ITCH: variants seen among roughly 807,000 people sequenced by gnomAD.
ITCH encodes the protein itchy E3 ubiquitin protein ligase.
In ITCH, 28 loss-of-function variants were observed where a neutral mutation model predicts 126.8. That is an observed-to-expected ratio of 0.22 (90% CI 0.16 to 0.30). The LOEUF (loss-of-function observed/expected upper bound fraction) is 0.30, where lower values mean the gene tolerates loss of function less well. ITCH is among the 10% of genes least tolerant of loss of function. ITCH has a pLI of 1.00. For missense variants in ITCH, 631 were observed against 1,032.4 expected (o/e 0.61, Z 5.33); for synonymous variants, 342 against 340.0 (o/e 1.01, Z -0.06).
chr20:34,502,665 G>A (rs1250462842), intron 23 of ITCH, among the ~76,000 whole-genome samples: 2 of 151,498 alleles, frequency 1.3e-5, no homozygotes, highest in Non-Finnish European at 2.9e-5. Flanking sequence ...AGCCAAGATT[G>A]CTCCACTGCA....
intron 20 of ITCH, among the ~76,000 whole-genome samples, chr20:34,485,753 G>C (rs1417827999): frequency 6.6e-6 from 1 of 152,146 alleles, no homozygotes; most frequent in Non-Finnish European, 1.5e-5. Context: ...CACGATCAGA[G>C]CTCACTGCAG....
intron 4 of ITCH, among the ~76,000 whole-genome samples, chr20:34,411,815 A>C (rs973307762): frequency 6.6e-6 from 1 of 152,172 alleles, no homozygotes; most frequent in Non-Finnish European, 1.5e-5. Flanking sequence ...GTGTATTGCA[A>C]ATTCAAATTT....
chr20:34,438,409 T>C (rs1224903833), intron 7 of ITCH, 65 bp from the exon 8 acceptor site: 1 of 1,556,526 alleles, frequency 6.4e-7, no homozygotes, highest in Non-Finnish European at 8.9e-7. Context: ...GCTGTTTTTT[T>C]TCTTAAATTC....
chr20:34,366,134 A>G (rs1003868294), intron 1 of ITCH, among the ~76,000 whole-genome samples: 1 of 152,150 alleles, frequency 6.6e-6, no homozygotes, highest in Admixed American at 6.6e-5. Context: ...TGCTGTGTGT[A>G]AATTCAGAGG....
intron 24 of ITCH, among the ~76,000 whole-genome samples, chr20:34,505,859 A>G (rs1461772837): frequency 6.6e-6 from 1 of 152,130 alleles, no homozygotes; most frequent in African/African-American, 2.4e-5. Context: ...CAGCCAAAAT[A>G]TACAACCTTT....
rs1368220236 is a variant in ITCH, at chr20:34,511,286, A to G, written c.*3492A>G. On this transcript the variant is annotated 3_prime_UTR_variant, in exon 25 of 25. Transcript: ENST00000374864. ...TTTTAATACTCAGGTAATGCTACAA[A>G]TATTACAGGGAGTCAAATGCTTTTA... 1 of 152,200 alleles carries G rather than the reference A, an allele frequency of 6.6e-6. No homozygotes were observed. The allele number at this position is 152,200 out of a possible 1,614,324, so 9.4% of individuals were successfully genotyped here. A position where few individuals can be genotyped will look rare whatever the true frequency, so the allele number is the denominator to read the frequency against.
intron 3 of ITCH, among the ~76,000 whole-genome samples, chr20:34,398,646 G>A (rs1194223823): frequency 2.6e-5 from 4 of 152,070 alleles, no homozygotes; most frequent in African/African-American, 7.2e-5. Flanking sequence ...TGATCCACCC[G>A]CCTCTGCCTC....
chr20:34,472,011 G>A (rs1024826865), intron 16 of ITCH, among the ~76,000 whole-genome samples: 1 of 152,128 alleles, frequency 6.6e-6, no homozygotes, highest in Non-Finnish European at 1.5e-5. Flanking sequence ...ATTGGTGACA[G>A]TATCTAAAAA....
chr20:34,487,972 A>C (rs770620000), intron 20 of ITCH, among the ~76,000 whole-genome samples: 4 of 152,164 alleles, frequency 2.6e-5, no homozygotes, highest in African/African-American at 4.8e-5. Context: ...TAATAATATA[A>C]TTCCATTTAC....
chr20:34,437,379 C>T (rs1225902867), intron 7 of ITCH, among the ~76,000 whole-genome samples: 1 of 152,154 alleles, frequency 6.6e-6, no homozygotes, highest in Non-Finnish European at 1.5e-5. Flanking sequence ...AAGCTCAGCT[C>T]ACTGCAACCT....
In ITCH at chr20:34,386,085, C is replaced by T. The variant is rs74883759; in HGVS notation, c.-21-7706C>T. On this transcript the variant is annotated intron_variant, in intron 2 of 24. Transcript: ENST00000374864. ...CCTTCAGTAGCCCATGCACCAAAGT[C>T]GGCTCCTTTGTTTTTTTTTTTGTTT... Among the ~76,000 whole-genome samples the T allele has an allele frequency of 2.5e-3, 382 of 150,810 alleles. 3 individuals carry two copies. Among genetic ancestry groups the T allele is most frequent in the African/African-American group, 9.1e-3 (369 of 40,516 alleles).
At chr20:34,463,151 T>C (rs1178716572) in intron 14 of ITCH, among the ~76,000 whole-genome samples, 1 of 152,196 alleles carries the variant, frequency 6.6e-6, no homozygotes, top group Non-Finnish European at 1.5e-5. Context: ...TCACCTGATA[T>C]CAGGAGTTGG....
chr20:34,399,985 C>T (rs1330924868), intron 3 of ITCH, among the ~76,000 whole-genome samples: 1 of 151,932 alleles, frequency 6.6e-6, no homozygotes, highest in Non-Finnish European at 1.5e-5. Context: ...TGTTGCCAGG[C>T]TGGAGTGTGG....
chr20:34,481,347 C>T, intron 20 of ITCH, 141 bp downstream of exon 20: 1 of 953,712 alleles, frequency 1.0e-6, no homozygotes, highest in East Asian at 2.6e-5. Flanking sequence ...AGTCATTTTT[C>T]ATTTCTAAAA....
chr20:34,447,588 C>T (rs1007848290), intron 11 of ITCH, among the ~76,000 whole-genome samples: 6 of 152,108 alleles, frequency 3.9e-5, no homozygotes, highest in African/African-American at 1.4e-4. Context: ...GTGCATGTCC[C>T]TAGTTTATCC....
At chr20:34,402,652 A>G in intron 3 of ITCH, 1 of 569,022 alleles carries the variant, frequency 1.8e-6, no homozygotes. Context: ...GTGTTGTTTT[A>G]CCAACAGCAC....
At chr20:34,486,905 C>T (rs1179136106) in intron 20 of ITCH, among the ~76,000 whole-genome samples, 4 of 151,824 alleles carry the variant, frequency 2.6e-5, no homozygotes, top group Non-Finnish European at 5.9e-5. Flanking sequence ...TGGTCTTGAA[C>T]TCCTGTGCTC....
At chr20:34,470,756 C>A (rs947801708) in intron 15 of ITCH, among the ~76,000 whole-genome samples, 1 of 152,060 alleles carries the variant, frequency 6.6e-6, no homozygotes, top group South Asian at 2.1e-4. Context: ...CCACACCTGG[C>A]TAATTTTTAG....
chr20:34,432,188 C>A (rs1030647072), intron 7 of ITCH, among the ~76,000 whole-genome samples: 3 of 151,994 alleles, frequency 2.0e-5, no homozygotes, highest in African/African-American at 7.2e-5. Flanking sequence ...CTTAGCTTAT[C>A]CCAAGATGAG....
Sources: gnomAD v4.1 joint callset for allele counts (sites outside exome capture counted in the v4.1 genomes callset) on GRCh38, gnomAD v4.1.1 for gene constraint, MANE v1.5 for transcripts, NCBI Gene and HGNC (gene_info 2026-07-23, HGNC 2026-07-21) for gene names.